ZNF91: variants seen among roughly 807,000 people sequenced by gnomAD.
ZNF91 encodes zinc finger protein 91 (HPF7, HTF10).
Under a neutral mutation model 12.6 loss-of-function variants are expected in ZNF91, and 7 were observed. That is an observed-to-expected ratio of 0.55 (90% CI 0.31 to 1.04). ZNF91 has a LOEUF of 1.04. Ranked by LOEUF, ZNF91 falls within the 50% of genes least tolerant of loss-of-function variation. The pLI, the probability that ZNF91 is intolerant of heterozygous loss-of-function variation, is 0.05. For missense variants in ZNF91, 1,217 were observed against 1,385.4 expected (o/e 0.88, Z 1.93); for synonymous variants, 453 against 462.6 (o/e 0.98, Z 0.27).
intron 1 of ZNF91, among the ~76,000 whole-genome samples, chr19:23,330,943 T>C (rs976189401): frequency 6.6e-6 from 1 of 152,180 alleles, no homozygotes; most frequent in Non-Finnish European, 1.5e-5. Context: ...GTTGTGAATA[T>C]CCAAAATTGG....
At chr19:23,309,708 T>C (rs1298986116) in intron 1 of ZNF91, among the ~76,000 whole-genome samples, 1 of 152,188 alleles carries the variant, frequency 6.6e-6, no homozygotes, top group Non-Finnish European at 1.5e-5. Context: ...GGACAAATAC[T>C]GTCTGTCATA....
Position 23,373,783 on chromosome 19 carries a change from G to T in ZNF91, c.212C>A (p.Pro71His), listed in dbSNP as rs1969392043. The T allele has an allele frequency of 1.2e-6, 2 of 1,611,124 alleles. No individual in the cohort carries two copies. The highest frequency in any genetic ancestry group is 1.6e-4 in the Middle Eastern group (1 of 6,064). Residue 71 changes from proline (P) to histidine (H), a missense_variant, in exon 3 of 4, where the codon CCC becomes CAC. Pro to His is a moderately conservative substitution (Grantham distance 77). Around this residue, in one of 2 missense-constraint regions of ZNF91, gnomAD observed 726 missense variants for 895.5 expected, o/e 0.81. Coordinates refer to ENST00000300619, the MANE Select transcript of ZNF91 (RefSeq NM_003430.4). The part of the protein sequence containing the change: ...LITYLEQGKE[P>H]WNMKQHEMVD... ...CATCTCATGTTGCTTCATATTCCAG[G>T]GCTCTTTTCCTTGCTCCAGATAAGT...
intron 1 of ZNF91, among the ~76,000 whole-genome samples, chr19:23,389,073 A>C (rs549584153): frequency 6.6e-6 from 1 of 152,252 alleles, no homozygotes; most frequent in South Asian, 2.1e-4. Context: ...TTAGTTACAA[A>C]ATAATCTATA....
At chr19:23,364,637 G>A in intron 3 of ZNF91, among the ~76,000 whole-genome samples, 1 of 151,528 alleles carries the variant, frequency 6.6e-6, no homozygotes, top group Non-Finnish European at 1.5e-5. Context: ...AGTTATGATA[G>A]TTTTAAATTA....
chr19:23,354,120 C>G (rs1379938388), downstream of ZNF91, among the ~76,000 whole-genome samples: 1 of 152,102 alleles, frequency 6.6e-6, no homozygotes, highest in African/African-American at 2.4e-5. Flanking sequence ...AATACCAAAA[C>G]CAGGAAAAGA....
rs79882974 is a variant in ZNF91 at position 23,349,708 on chromosome 19, AGTC to A, written c.254-10657_254-10655del. On this transcript the variant is annotated intron_variant, in intron 3 of 3. Coordinates refer to the ZNF91 transcript ENST00000599743. ...TACGCAGCATGCCAACTGCAGTGAG[AGTC>A]CAAGGACTCCTCAACTGGATTCATC... 0.012 allele frequency among the ~76,000 whole-genome samples: 1,835 copies of A among 152,298 alleles called. 149 individuals carry two copies. In the East Asian group the frequency reaches 0.24, roughly 20 times the overall value.
intron 1 of ZNF91, chr19:23,385,053 C>T (rs140057762): frequency 1.9e-5 from 22 of 1,160,968 alleles, no homozygotes; most frequent in African/African-American, 9.1e-5. Context: ...GGGGCTCCAG[C>T]GGTTCCGCAT....
intron 1 of ZNF91, among the ~76,000 whole-genome samples, chr19:23,329,414 T>C (rs943241525): frequency 3.3e-5 from 5 of 152,206 alleles, no homozygotes; most frequent in African/African-American, 9.6e-5. Flanking sequence ...TTTCAAGTCA[T>C]TTCTTAATTG....
chr19:23,361,520 C>T lies in ZNF91; in HGVS notation c.1459G>A (p.Glu487Lys). The T allele has an allele frequency of 1.9e-6, 3 of 1,613,676 alleles. No individual in the cohort carries two copies. The highest frequency in any genetic ancestry group is 2.5e-6 in the Non-Finnish European group (3 of 1,179,856). Residue 487 changes from glutamate to lysine, a missense_variant, in exon 4 of 4, where the codon GAG (glutamate) becomes AAG (lysine). This residue lies in a region of ZNF91 where 726 missense variants were observed against 895.5 expected (regional missense o/e 0.81). Coordinates refer to ENST00000300619, the MANE Select transcript of ZNF91 (RefSeq NM_003430.4). ...LTRHKRIHTG[E>K]KPYKCEECGK... Reference sequence around the variant, plus strand: ...CATTCTTCACATTTGTAGGGCTTCTCTCCAGTGTGTATCCTCTTATGTCTA... The same window carrying T: ...CATTCTTCACATTTGTAGGGCTTCTTTCCAGTGTGTATCCTCTTATGTCTA...
At chr19:23,311,122 C>T (rs1386921602), upstream of ZNF91, among the ~76,000 whole-genome samples, 3 of 152,184 alleles carry the variant, frequency 2.0e-5, no homozygotes, top group African/African-American at 7.2e-5. Flanking sequence ...CTGTGGGTCT[C>T]TTACCTAGGT....
In ZNF91 at chr19:23,362,740, C is replaced by A. The variant is rs547347081; in HGVS notation, c.254-15G>T. The A allele has an allele frequency of 7.2e-6, 10 of 1,393,422 alleles. No homozygotes were observed. The highest frequency in any genetic ancestry group is 2.0e-5 in the South Asian group (1 of 50,608). 86.3% of individuals were successfully genotyped at this position (1,393,422 alleles called of 1,614,324 possible). A position where few individuals can be genotyped will look rare whatever the true frequency, so the allele number is the denominator to read the frequency against. Reference sequence around the variant, plus strand: ...AGGACATATACCTGAAAAAAAAAAACTAAAAATAATAAATTACTCCACTCA... The same window carrying A: ...AGGACATATACCTGAAAAAAAAAAAATAAAAATAATAAATTACTCCACTCA... On this transcript the variant is annotated splice_polypyrimidine_tract_variant and intron_variant, in intron 3 of 3. Coordinates refer to ENST00000300619, the MANE Select transcript of ZNF91 (RefSeq NM_003430.4).
intron 1 of ZNF91, among the ~76,000 whole-genome samples, chr19:23,389,402 CAAA>C (rs34173990): frequency 4.5e-5 from 5 of 111,880 alleles, no homozygotes; most frequent in East Asian, 2.5e-4. Flanking sequence ...AAGTTTTTGG[CAAA>C]AAAAAAAAAA....
intron 1 of ZNF91, among the ~76,000 whole-genome samples, chr19:23,392,126 T>C (rs1970085076): frequency 6.6e-6 from 1 of 152,176 alleles, no homozygotes; most frequent in African/African-American, 2.4e-5. Context: ...CCGGGCACAG[T>C]GGCTCATGCC....
At chr19:23,384,638 C>T (rs1056174275) in intron 1 of ZNF91, 29 of 705,908 alleles carry the variant, frequency 4.1e-5, no homozygotes, top group Non-Finnish European at 5.9e-5. Flanking sequence ...CTCTTGGAGG[C>T]TTTTGCCATA....
At chr19:23,347,581 T>C (rs1968262480) in intron 3 of ZNF91, among the ~76,000 whole-genome samples, 1 of 152,172 alleles carries the variant, frequency 6.6e-6, no homozygotes, top group Admixed American at 6.5e-5. Flanking sequence ...CCATGGTATG[T>C]CAAGGAAGGG....
chr19:23,331,820 C>T (rs1967933403), intron 1 of ZNF91, among the ~76,000 whole-genome samples: 1 of 152,088 alleles, frequency 6.6e-6, no homozygotes. Flanking sequence ...TGGTCAAATT[C>T]TTATGTTTAG....
At chr19:23,367,480 A>G (rs1470949499) in intron 3 of ZNF91, among the ~76,000 whole-genome samples, 3 of 152,218 alleles carry the variant, frequency 2.0e-5, no homozygotes, top group African/African-American at 4.8e-5. Context: ...AAAGATGTCA[A>G]TACAACCAAC....
intron 1 of ZNF91, among the ~76,000 whole-genome samples, chr19:23,386,485 G>C (rs1266615224): frequency 6.6e-6 from 1 of 152,130 alleles, no homozygotes; most frequent in Non-Finnish European, 1.5e-5. Flanking sequence ...TAACAGAATA[G>C]GGAGCCCAGA....
chr19:23,349,707 G>A (rs1035990541), intron 3 of ZNF91, among the ~76,000 whole-genome samples: 1 of 151,698 alleles, frequency 6.6e-6, no homozygotes, highest in African/African-American at 2.4e-5. Flanking sequence ...ACTGCAGTGA[G>A]AGTCCAAGGA....
Sources: gnomAD v4.1 joint callset for allele counts (sites outside exome capture counted in the v4.1 genomes callset) on GRCh38, gnomAD v4.1.1 for gene constraint, gnomAD v4.1.1 regional missense constraint, MANE v1.5 for transcripts, NCBI Gene and HGNC (gene_info 2026-07-23, HGNC 2026-07-21) for gene names.